The following TEX14 variants were observed in gnomAD, a reference collection of about 807,000 sequenced individuals.
The protein encoded by TEX14 is testis expressed 14, intercellular bridge forming factor.
A neutral mutation model predicts 178.6 loss-of-function variants in TEX14; 168 were observed. That is an observed-to-expected ratio of 0.94 (90% CI 0.83 to 1.07). TEX14 has a LOEUF of 1.07. Among genes scored for constraint, TEX14 ranks in the 50% least tolerant of loss-of-function variants. The pLI is 0.00. For synonymous variants in TEX14, 626 were observed against 634.1 expected (o/e 0.99, Z 0.19); for missense variants, 1,730 against 1,753.6 (o/e 0.99, Z 0.24).
chr17:58,661,532 T>C (rs748892776), intron 1 of TEX14: 1 of 777,410 alleles, frequency 1.3e-6, no homozygotes, highest in Non-Finnish European at 2.4e-6. Context: ...GTCCAGAAGC[T>C]GTTTGCTGGA....
chr17:58,580,603 C>T (rs1456805690), intron 19 of TEX14, among the ~76,000 whole-genome samples: 2 of 152,134 alleles, frequency 1.3e-5, no homozygotes, highest in Non-Finnish European at 2.9e-5. Flanking sequence ...AGCTACCGCG[C>T]CTGGCCTGAA....
At chr17:58,661,258 G>GT in intron 1 of TEX14, 1 of 799,062 alleles carries the variant, frequency 1.3e-6, no homozygotes. Flanking sequence ...ACTGAGTTAA[G>GT]TATTTTATAA....
chr17:58,577,458 T>A lies in TEX14; in HGVS notation c.3239-2A>T. On this transcript the variant is annotated splice_acceptor_variant, in intron 20 of 31. Transcript: ENST00000349033. LOFTEE classifies it high-confidence loss of function. Reference sequence around the variant, plus strand: ...TTCTCATTTGGAACTTTTCCTCACCTGAAAGAATAAAGTTAAAAATATATA... The same window carrying A: ...TTCTCATTTGGAACTTTTCCTCACCAGAAAGAATAAAGTTAAAAATATATA... 1 of 1,343,394 alleles carries A rather than the reference T, an allele frequency of 7.4e-7. No homozygotes were observed. The highest frequency in any genetic ancestry group is 1.0e-6 in the Non-Finnish European group (1 of 993,030). The allele number at this position is 1,343,394 out of a possible 1,614,324, so 83.2% of individuals were successfully genotyped here. A position where few individuals can be genotyped will look rare whatever the true frequency, so the allele number is the denominator to read the frequency against.
At chr17:58,644,032 G>C (rs1416419139) in intron 2 of TEX14, among the ~76,000 whole-genome samples, 1 of 151,532 alleles carries the variant, frequency 6.6e-6, no homozygotes, top group Admixed American at 6.6e-5. Context: ...ACATGACGGA[G>C]GTAGGTTACC....
chr17:58,621,841 G>A (rs996110533), intron 4 of TEX14, 55 bp from the exon 5 acceptor site: 1 of 1,546,790 alleles, frequency 6.5e-7, no homozygotes, highest in African/African-American at 1.4e-5. Flanking sequence ...CAATGGAATG[G>A]AAGCTTGGGT....
intron 28 of TEX14, 61 bp from the exon 29 acceptor site, chr17:58,561,673 G>C: frequency 9.0e-7 from 1 of 1,111,996 alleles, no homozygotes; most frequent in South Asian, 1.2e-5. Context: ...CCTTGACAAA[G>C]ATGCATAACA....
At chr17:58,597,161 G>C (rs1292361458) in intron 14 of TEX14, among the ~76,000 whole-genome samples, 1 of 152,104 alleles carries the variant, frequency 6.6e-6, no homozygotes, top group African/African-American at 2.4e-5. Context: ...ACTTTGGGAG[G>C]CTGAGGCAGG....
At chr17:58,632,641 T>G (rs1398682097) in intron 2 of TEX14, among the ~76,000 whole-genome samples, 2 of 152,294 alleles carry the variant, frequency 1.3e-5, no homozygotes, top group East Asian at 3.9e-4. Flanking sequence ...ATCTAAGTAC[T>G]GGCAGCCGGC....
At chr17:58,590,256 T>G (rs1408155289) in intron 15 of TEX14, among the ~76,000 whole-genome samples, 9 of 90,210 alleles carry the variant, frequency 1.0e-4, no homozygotes, top group Non-Finnish European at 2.1e-5. Flanking sequence ...CAAGACTCTG[T>G]GTCAAAAAAA....
At chr17:58,576,914 T>G (rs1158302891) in intron 21 of TEX14, among the ~76,000 whole-genome samples, 2 of 152,220 alleles carry the variant, frequency 1.3e-5, no homozygotes, top group Non-Finnish European at 2.9e-5. Flanking sequence ...CAAAGTCTGT[T>G]TAATCATTTA....
At chr17:58,563,811 G>C (rs1002880900) in intron 28 of TEX14, among the ~76,000 whole-genome samples, 13 of 138,156 alleles carry the variant, frequency 9.4e-5, no homozygotes, top group Middle Eastern at 3.7e-3. Flanking sequence ...CACACACACA[G>C]ACACACACAC....
In TEX14 at chr17:58,621,720, G is replaced by A. The variant is rs770773693; in HGVS notation, c.484C>T (p.Leu162Phe). The stretch of plus-strand genomic sequence containing the variant: ...TGCGGGGAGTCTATCTTCTTCAGGA[G>A]GTCGTAAGAGAAGCCCTGGATGATG... Reference protein sequence around the residue: ...QAIIQGFSYDLLKKIDSPQRL... With the variant: ...QAIIQGFSYDFLKKIDSPQRL... The change falls in exon 5 of 32, where the codon CTC (leucine) becomes TTC (phenylalanine). Residue 162 changes from leucine to phenylalanine, a missense_variant. Coordinates refer to ENST00000349033, the MANE Select transcript of TEX14 (RefSeq NM_031272.5). 6.2e-6 allele frequency: 10 copies of A among 1,614,104 alleles called. No homozygotes were observed. In the Admixed American group the frequency reaches 1.2e-4, roughly 19 times the overall value.
chr17:58,604,012 A>AT (rs1439835800), intron 11 of TEX14, among the ~76,000 whole-genome samples: 1 of 150,002 alleles, frequency 6.7e-6, no homozygotes, highest in African/African-American at 2.5e-5. Context: ...AGAGCAGTGG[A>AT]TTTGGAAGTA....
Position 58,623,012 on chromosome 17 carries a change from G to C in TEX14, c.252C>G (p.His84Gln). The C allele has an allele frequency of 6.3e-7, 1 of 1,588,398 alleles. No individual in the cohort carries two copies. Among genetic ancestry groups the C allele is most frequent in the Non-Finnish European group, 8.6e-7 (1 of 1,158,750 alleles). Residue 84 changes from histidine (H) to glutamine (Q), a missense_variant and splice_region_variant, in exon 4 of 32, where the codon CAC becomes CAG. Physicochemically the swap from His to Gln is conservative, Grantham distance 24. Around this residue, in one of 2 missense-constraint regions of TEX14, gnomAD observed 789 missense variants for 681.2 expected, o/e 1.16. Transcript: ENST00000349033. ...VLVDYGSDPN[H>Q]RCFDGSTPVH... is the part of the protein sequence containing the mutation. ...CAGGGGTGCTCCCATCAAAGCAGCGGCTGGGGAGGGAGATGAGTACAATTG... is the reference window on the plus strand; with the variant it reads ...CAGGGGTGCTCCCATCAAAGCAGCGCCTGGGGAGGGAGATGAGTACAATTG...
intron 15 of TEX14, among the ~76,000 whole-genome samples, chr17:58,592,150 A>T (rs545893379): frequency 1.6e-4 from 24 of 152,032 alleles, no homozygotes; most frequent in African/African-American, 4.6e-4. Flanking sequence ...ACCAAAAAAA[A>T]TTTTAATCAA....
chr17:58,684,098 A>G (rs2047551015), intron 1 of TEX14, among the ~76,000 whole-genome samples: 1 of 151,908 alleles, frequency 6.6e-6, no homozygotes, highest in Admixed American at 6.6e-5. Flanking sequence ...AACATTTCAT[A>G]TAGAAGGGGA....
intron 14 of TEX14, among the ~76,000 whole-genome samples, chr17:58,594,287 T>G (rs529521396): frequency 1.1e-4 from 16 of 151,732 alleles, no homozygotes; most frequent in Non-Finnish European, 1.8e-4. Flanking sequence ...AGCAGATCTT[T>G]GTGGCAGGAG....
At chr17:58,621,564 G>T in intron 5 of TEX14, 86 bp downstream of exon 5, 1 of 1,389,428 alleles carries the variant, frequency 7.2e-7, no homozygotes, top group Non-Finnish European at 9.8e-7. Flanking sequence ...CTGATGTGGA[G>T]GAGCTGAGGC....
intron 1 of TEX14, among the ~76,000 whole-genome samples, chr17:58,669,363 A>C (rs1424444445): frequency 6.7e-6 from 1 of 149,218 alleles, no homozygotes; most frequent in Non-Finnish European, 1.5e-5. Flanking sequence ...AAAACAAACA[A>C]AAAAAAAAAC....
Sources: allele counts gnomAD v4.1 joint callset (sites outside exome capture counted in the v4.1 genomes callset), GRCh38; gene constraint gnomAD v4.1.1; regional missense constraint gnomAD v4.1.1; transcripts MANE v1.5; gene names NCBI Gene and HGNC (gene_info 2026-07-23, HGNC 2026-07-21).